LDLRAD3: variants seen among roughly 807,000 people sequenced by gnomAD.
The protein encoded by LDLRAD3 is low density lipoprotein receptor class A domain containing 3, also known as low-density lipoprotein receptor class A domain-containing protein 3.
Under a neutral mutation model 29.4 loss-of-function variants are expected in LDLRAD3, and 20 were observed. The observed-to-expected ratio is 0.68, with a 90% CI of 0.48 to 0.99. The LOEUF (loss-of-function observed/expected upper bound fraction) is 0.99, where lower values mean the gene tolerates loss of function less well. LDLRAD3 is among the 50% of genes least tolerant of loss of function. The pLI, the probability that LDLRAD3 is intolerant of heterozygous loss-of-function variation, is 0.00. For synonymous variants in LDLRAD3, 157 were observed against 192.7 expected (o/e 0.81, Z 1.53); for missense variants, 420 against 454.3 (o/e 0.92, Z 0.69).
rs541450759 is a variant in LDLRAD3, at chr11:36,218,459, C to T, written c.455-8626C>T. On this transcript the variant is annotated intron_variant, in intron 4 of 5. Coordinates refer to ENST00000315571, the MANE Select transcript of LDLRAD3 (RefSeq NM_174902.4). ...AATGTTCAGACTTGTGGGAGTATTG[C>T]AAAAAGACTAGAGTCCGAAGAGGCT... Among the ~76,000 whole-genome samples, 20 of 152,226 alleles carry T rather than the reference C, an allele frequency of 1.3e-4. No individual in the cohort carries two copies. In the South Asian group the frequency reaches 3.7e-3, roughly 28 times the overall value.
At chr11:36,002,263 G>T (rs1270016780) in intron 1 of LDLRAD3, among the ~76,000 whole-genome samples, 1 of 152,306 alleles carries the variant, frequency 6.6e-6, no homozygotes, top group Non-Finnish European at 1.5e-5. Context: ...CATTCCTGTT[G>T]ATCAGAAAAA....
chr11:36,021,374 CAG>C (rs1852093242), intron 1 of LDLRAD3, among the ~76,000 whole-genome samples: 1 of 152,046 alleles, frequency 6.6e-6, no homozygotes, highest in African/African-American at 2.4e-5. Context: ...AAGGAATGAT[CAG>C]AGAGCCAGGT....
At chr11:36,183,886 A>G (rs1854804046) in intron 4 of LDLRAD3, 1 of 211,600 alleles carries the variant, frequency 4.7e-6, no homozygotes, top group Non-Finnish European at 9.8e-6. Context: ...AAGTGGGTCC[A>G]TTGAGTTTTT....
chr11:36,137,415 C>T (rs1854019768), intron 4 of LDLRAD3, among the ~76,000 whole-genome samples: 1 of 152,222 alleles, frequency 6.6e-6, no homozygotes, highest in Non-Finnish European at 1.5e-5. Context: ...TCTGTAACCT[C>T]TCATCAGAAT....
chr11:36,228,458 A>G (rs1287054801), intron 5 of LDLRAD3, among the ~76,000 whole-genome samples: 1 of 152,178 alleles, frequency 6.6e-6, no homozygotes, highest in South Asian at 2.1e-4. Flanking sequence ...ATTGCTGTTT[A>G]CCAGTTATTT....
Position 35,944,173 on chromosome 11 carries a change from C to CCGCGGGGCGCGGGGCGCGGGGCGCGGGG in LDLRAD3, c.46+33_46+60dup, listed in dbSNP as rs541155009. On this transcript the variant is annotated intron_variant, in intron 1 of 5. Coordinates refer to ENST00000315571, the MANE Select transcript of LDLRAD3 (RefSeq NM_174902.4). The surrounding 1 kb of genome is among the most constrained non-coding windows in gnomAD (Gnocchi z 4.9). ...AGTCGGGGGGCGGCCGGCGAACTTC[C>CCGCGGGGCGCGGGGCGCGGGGCGCGGGG]CGCGGGGCGCGGGGCGCGGGGCGCG... 1.0e-6 allele frequency: 1 copy of CCGCGGGGCGCGGGGCGCGGGGCGCGGGG among 990,328 alleles called. No homozygotes were observed. Among genetic ancestry groups the CCGCGGGGCGCGGGGCGCGGGGCGCGGGG allele is most frequent in the African/African-American group, 1.8e-5 (1 of 56,634 alleles). 61.3% of individuals were successfully genotyped at this position (990,328 alleles called of 1,614,324 possible). A position where few individuals can be genotyped will look rare whatever the true frequency, so the allele number is the denominator to read the frequency against.
At chr11:36,080,618 T>C (rs1853098932) in intron 2 of LDLRAD3, among the ~76,000 whole-genome samples, 1 of 152,180 alleles carries the variant, frequency 6.6e-6, no homozygotes, top group South Asian at 2.1e-4. Context: ...ACTCATTTGT[T>C]TGGGGCTCCC....
intron 4 of LDLRAD3, among the ~76,000 whole-genome samples, chr11:36,146,002 T>TTA (rs1554968528): frequency 6.3e-4 from 87 of 138,684 alleles, no homozygotes; most frequent in African/African-American, 2.2e-3. Context: ...GAATGATCAA[T>TTA]AAAAAAAAGA....
chr11:36,055,422 T>A (rs1239005532), intron 2 of LDLRAD3, among the ~76,000 whole-genome samples: 1 of 152,142 alleles, frequency 6.6e-6, no homozygotes, highest in African/African-American at 2.4e-5. Context: ...CCAGATATTT[T>A]GCTTGGATTT....
intron 3 of LDLRAD3, among the ~76,000 whole-genome samples, chr11:36,092,986 AG>A (rs1470228651): frequency 1.3e-5 from 2 of 152,202 alleles, no homozygotes; most frequent in African/African-American, 2.4e-5. Flanking sequence ...GTGTTTTATG[AG>A]GAGTCATTGA....
intron 4 of LDLRAD3, among the ~76,000 whole-genome samples, chr11:36,179,943 C>T (rs76336080): frequency 2.6e-5 from 4 of 152,174 alleles, no homozygotes; most frequent in East Asian, 1.9e-4. Flanking sequence ...CATAGTAAGC[C>T]GTGATCACAC....
chr11:36,142,392 C>A (rs1450173514), intron 4 of LDLRAD3, among the ~76,000 whole-genome samples: 3 of 152,326 alleles, frequency 2.0e-5, no homozygotes, highest in Admixed American at 2.0e-4. Context: ...TCATCATATT[C>A]CGTTTAGTAG....
At chr11:36,198,278 CT>C (rs61083601) in intron 4 of LDLRAD3, among the ~76,000 whole-genome samples, 132,322 of 152,004 alleles carry the variant, frequency 0.87, 57,701 homozygotes, top group East Asian at 0.97. Context: ...ATAATACCCC[CT>C]TTCACATTGC....
intron 3 of LDLRAD3, among the ~76,000 whole-genome samples, chr11:36,085,861 C>T (rs541659184): frequency 3.7e-4 from 56 of 152,070 alleles, no homozygotes; most frequent in African/African-American, 1.1e-3. Context: ...TCAAGTGATC[C>T]GCCCGCCTCA....
At chr11:35,991,218 T>G (rs557470283) in intron 1 of LDLRAD3, among the ~76,000 whole-genome samples, 14 of 152,208 alleles carry the variant, frequency 9.2e-5, no homozygotes, top group Non-Finnish European at 1.6e-4. Context: ...CATTTGGATT[T>G]TGTCTAACTT....
chr11:36,149,522 T>C (rs1435322286), intron 4 of LDLRAD3, among the ~76,000 whole-genome samples: 1 of 152,208 alleles, frequency 6.6e-6, no homozygotes, highest in African/African-American at 2.4e-5. Context: ...ACGCTGTCCC[T>C]GCACAGCAGT....
At chr11:36,107,680 T>C (rs1216506260) in intron 4 of LDLRAD3, among the ~76,000 whole-genome samples, 2 of 152,350 alleles carry the variant, frequency 1.3e-5, no homozygotes, top group East Asian at 3.9e-4. Context: ...TAACATGCCG[T>C]ACAGGTTTAT....
chr11:36,185,750 C>A (rs1029933644), intron 4 of LDLRAD3, among the ~76,000 whole-genome samples: 1 of 152,200 alleles, frequency 6.6e-6, no homozygotes, highest in African/African-American at 2.4e-5. Context: ...CCCTTGAAAA[C>A]ACACATTCTT....
At chr11:36,190,819 A>G (rs1854930133) in intron 4 of LDLRAD3, among the ~76,000 whole-genome samples, 1 of 152,196 alleles carries the variant, frequency 6.6e-6, no homozygotes, top group Non-Finnish European at 1.5e-5. Context: ...ACAAGTTTCT[A>G]GAGAGGGCAT....
Sources: allele counts gnomAD v4.1 joint callset (sites outside exome capture counted in the v4.1 genomes callset), GRCh38; gene constraint gnomAD v4.1.1; non-coding constraint Gnocchi (gnomAD v3.1); transcripts MANE v1.5; gene names NCBI Gene and HGNC (gene_info 2026-07-23, HGNC 2026-07-21).